Variants in HAO2 observed in about 807,000 individuals in gnomAD.
The protein encoded by HAO2 is hydroxyacid oxidase 2, also known as 2-Hydroxyacid oxidase 2.
Under a neutral mutation model 37.4 loss-of-function variants are expected in HAO2, and 42 were observed. The observed-to-expected ratio is 1.12, with a 90% CI of 0.88 to 1.45. The LOEUF (loss-of-function observed/expected upper bound fraction) is 1.45. Ranked by LOEUF, HAO2 falls within the 40% of genes most tolerant of loss-of-function variation. The probability of loss-of-function intolerance (pLI) is 0.00; values close to 1 mark genes in which losing one functional copy is unlikely to be tolerated. For missense variants in HAO2, 476 were observed against 430.2 expected (o/e 1.11, Z -0.94); for synonymous variants, 180 against 162.8 (o/e 1.11, Z -0.81).
intron 5 of HAO2, among the ~76,000 whole-genome samples, chr1:119,390,804 T>C (rs1177607121): frequency 2.0e-5 from 3 of 152,172 alleles, no homozygotes; most frequent in Admixed American, 6.5e-5. Context: ...TGAAACCTCA[T>C]AGAGGTGGGA....
rs1184041305 is a variant in HAO2, at chr1:119,393,985, C to T, written c.*145C>T. ...TTTCCCACATTTCTAATACCACCAC[C>T]CCTGTGCTTCAGGCCCTCCAAACCC... On this transcript the variant is annotated 3_prime_UTR_variant, in exon 8 of 8. Transcript: ENST00000325945. The T allele has an allele frequency of 2.8e-5, 42 of 1,497,170 alleles. No individual in the cohort carries two copies. The South Asian group carries it at 5.3e-4, about 19-fold the overall frequency. 92.7% of individuals were successfully genotyped at this position (1,497,170 alleles called of 1,614,324 possible). A position where few individuals can be genotyped will look rare whatever the true frequency, so the allele number is the denominator to read the frequency against.
intron 1 of HAO2, among the ~76,000 whole-genome samples, chr1:119,370,599 A>G (rs1648908619): frequency 6.6e-6 from 1 of 152,186 alleles, no homozygotes; most frequent in South Asian, 2.1e-4. Context: ...TTTGCACAGA[A>G]CCGTGGTGAG....
intron 1 of HAO2, among the ~76,000 whole-genome samples, chr1:119,378,683 G>A (rs941430571): frequency 2.0e-5 from 3 of 152,196 alleles, no homozygotes; most frequent in African/African-American, 7.2e-5. Flanking sequence ...ACATGACTCT[G>A]AGTGAGCATG....
intron 3 of HAO2, 128 bp from the exon 4 acceptor site, chr1:119,384,648 C>A: frequency 1.4e-6 from 1 of 721,898 alleles, no homozygotes; most frequent in Middle Eastern, 4.0e-4. Context: ...TACAAGGAAG[C>A]AGAATGAAAT....
intron 4 of HAO2, among the ~76,000 whole-genome samples, 197 bp from the exon 5 acceptor site, chr1:119,386,425 C>T (rs1362628337): frequency 1.3e-5 from 2 of 152,092 alleles, no homozygotes; most frequent in Non-Finnish European, 2.9e-5. Context: ...ATGCTTGTCT[C>T]AAACTACTAG....
At chr1:119,371,620 T>C (rs587683092) in intron 1 of HAO2, among the ~76,000 whole-genome samples, 2 of 152,320 alleles carry the variant, frequency 1.3e-5, no homozygotes, top group African/African-American at 2.4e-5. Context: ...TCGTGACACA[T>C]TACTAGATAT....
chr1:119,393,940 C>G lies in HAO2; in HGVS notation c.*100C>G. 6.3e-7 allele frequency: 1 copy of G among 1,588,462 alleles called. No homozygotes were observed. The highest frequency in any genetic ancestry group is 1.1e-5 in the South Asian group (1 of 89,842). ...CTGTCCTTCCTGGACCCCATTCTGT[C>G]CGGAGGCTCATGGCCCATATTTCCC... On this transcript the variant is annotated 3_prime_UTR_variant, in exon 8 of 8. Transcript: ENST00000325945.
rs748203423 is a variant in HAO2, at chr1:119,382,983, A to T, written c.200A>T (p.Glu67Val). The T allele has an allele frequency of 1.9e-6, 3 of 1,612,468 alleles. No individual in the cohort carries two copies. The highest frequency in any genetic ancestry group is 4.5e-5 in the East Asian group (2 of 44,770). ...EVDTRTTIQG[E>V]EISAPICIAP... ...GACACCAGAACCACAATCCAAGGGG[A>T]GGAGATCAGTGCCCCTATTTGTATC... Residue 67 changes from glutamate (E) to valine (V), a missense_variant, in exon 3 of 8, where the codon GAG becomes GTG. Coordinates refer to ENST00000325945, the MANE Select transcript of HAO2 (RefSeq NM_016527.4).
At chr1:119,388,880 G>A (rs1650598514) in intron 5 of HAO2, among the ~76,000 whole-genome samples, 1 of 151,356 alleles carries the variant, frequency 6.6e-6, no homozygotes. Context: ...CATCACCTGA[G>A]CAGTATACAC....
rs184665699 is a variant in HAO2 at position 119,378,409 on chromosome 1, A to G, written c.-8-2669A>G. 2.8e-3 allele frequency among the ~76,000 whole-genome samples: 432 copies of G among 152,314 alleles called. 4 individuals are homozygous for G. The highest frequency in any genetic ancestry group is 9.9e-3 in the African/African-American group (410 of 41,572). On this transcript the variant is annotated intron_variant, in intron 1 of 7. Coordinates refer to ENST00000325945, the MANE Select transcript of HAO2 (RefSeq NM_016527.4). ...TTCAAGAAGATATTTGGGTGGGGAA[A>G]CAGCCAAACCATATCACTGATCTTT...
At chr1:119,388,488 T>C (rs1650568498) in intron 5 of HAO2, among the ~76,000 whole-genome samples, 2 of 152,168 alleles carry the variant, frequency 1.3e-5, no homozygotes, top group Non-Finnish European at 2.9e-5. Context: ...AGAGGAGAAT[T>C]TCTCCTATCT....
rs762037511 is a variant in HAO2 at position 119,381,187 on chromosome 1, G to A, written c.102G>A (p.Thr34=). ...AAGGTGGAGCAGATGACAGCATCAC[G>A]CGGGATGACAACATTGCAGCATTTA... ...FIEGGADDSI[T]RDDNIAAFKR... The change falls in exon 2 of 8, where the codon ACG becomes ACA. Residue 34 remains threonine (T), a synonymous_variant. Coordinates refer to ENST00000325945, the MANE Select transcript of HAO2 (RefSeq NM_016527.4). The A allele has an allele frequency of 1.5e-5, 24 of 1,610,928 alleles. No individual in the cohort carries two copies. The highest frequency in any genetic ancestry group is 6.7e-5 in the East Asian group (3 of 44,862).
rs1042218564 is a variant in HAO2 at position 119,392,804 on chromosome 1, G to C, written c.1000+117G>C. On this transcript the variant is annotated intron_variant, in intron 7 of 7. Coordinates refer to ENST00000325945, the MANE Select transcript of HAO2 (RefSeq NM_016527.4). ...GATGTGGTAGCTGTCCAAAAGATAG[G>C]ACAGGCAGGCAACTTTCAAGACAAA... 4.0e-6 allele frequency: 3 copies of C among 753,710 alleles called. No individual in the cohort carries two copies. In the Admixed American group the frequency reaches 5.5e-5, roughly 14 times the overall value. 46.7% of individuals were successfully genotyped at this position (753,710 alleles called of 1,614,324 possible).
chr1:119,386,028 T>C (rs988462072), intron 4 of HAO2: 8 of 337,844 alleles, frequency 2.4e-5, no homozygotes, highest in Non-Finnish European at 3.4e-5. Context: ...TTTTTTAAAG[T>C]AGAAACTTTG....
At chr1:119,379,020 A>G (rs904020561) in intron 1 of HAO2, among the ~76,000 whole-genome samples, 3 of 152,304 alleles carry the variant, frequency 2.0e-5, no homozygotes, top group Middle Eastern at 6.8e-3. Context: ...TACTGAAAGG[A>G]TGCAAAGCAA....
chr1:119,380,623 A>G, intron 1 of HAO2: 3 of 1,081,272 alleles, frequency 2.8e-6, no homozygotes, highest in Non-Finnish European at 4.3e-6. Flanking sequence ...GAATGCCATG[A>G]CGTGGGCACA....
intron 1 of HAO2, among the ~76,000 whole-genome samples, chr1:119,373,926 T>A (rs1649235757): frequency 6.6e-6 from 1 of 152,182 alleles, no homozygotes; most frequent in South Asian, 2.1e-4. Flanking sequence ...TCCTGCATCC[T>A]TGATTCACAA....
chr1:119,387,913 C>G (rs895798319), intron 5 of HAO2, among the ~76,000 whole-genome samples: 1 of 152,150 alleles, frequency 6.6e-6, no homozygotes, highest in African/African-American at 2.4e-5. Context: ...TTCCAAGACA[C>G]GTGATGCTTG....
chr1:119,369,880 G>T (rs1648835417), intron 1 of HAO2, among the ~76,000 whole-genome samples: 1 of 151,742 alleles, frequency 6.6e-6, no homozygotes, highest in Admixed American at 6.6e-5. Flanking sequence ...TGTGATAAAG[G>T]TCCCCCCCCA....
Sources: gnomAD v4.1 joint callset for allele counts (sites outside exome capture counted in the v4.1 genomes callset) on GRCh38, gnomAD v4.1.1 for gene constraint, MANE v1.5 for transcripts, NCBI Gene and HGNC (gene_info 2026-07-23, HGNC 2026-07-21) for gene names.